The following FHIT variants were observed in gnomAD, a reference collection of about 807,000 sequenced individuals.
The protein encoded by FHIT is bis(5'-adenosyl)-triphosphatase.
FHIT carries 19 observed loss-of-function variants against 17.9 expected under a neutral mutation model. The observed-to-expected ratio is 1.06, with a 90% confidence interval of 0.74 to 1.56. The LOEUF is 1.56. Among genes scored for constraint, FHIT ranks in the 40% most tolerant of loss-of-function variants. The pLI is 0.00. For synonymous variants in FHIT, 81 were observed against 69.7 expected (o/e 1.16, Z -0.81); for missense variants, 248 against 189.2 (o/e 1.31, Z -1.82).
rs190760005 is a variant in FHIT, at chr3:60,899,041, C to T, written c.-110-77030G>A. Among the ~76,000 whole-genome samples the T allele has an allele frequency of 2.0e-5, 3 of 152,200 alleles. No homozygotes were observed. In the East Asian group the frequency reaches 5.8e-4, roughly 29 times the overall value. On this transcript the variant is annotated intron_variant, in intron 3 of 9. Coordinates refer to ENST00000492590, the MANE Select transcript of FHIT (RefSeq NM_002012.4). ...AATAACATGCATTTTTTTTCCAGAA[C>T]CATCTGTGCTTTCCCAAGAACATGT...
intron 4 of FHIT, among the ~76,000 whole-genome samples, chr3:60,587,204 A>G (rs2037935159): frequency 6.6e-6 from 1 of 152,054 alleles, no homozygotes; most frequent in South Asian, 2.1e-4. Flanking sequence ...ATTTGCAGGG[A>G]CGTGGATGAA....
intron 3 of FHIT, among the ~76,000 whole-genome samples, chr3:60,861,809 T>C (rs1238388761): frequency 6.6e-6 from 1 of 151,916 alleles, no homozygotes; most frequent in African/African-American, 2.4e-5. Context: ...TAATCCTTTT[T>C]TAAAAAAGCT....
chr3:61,143,307 T>C (rs1397349589), intron 2 of FHIT, among the ~76,000 whole-genome samples: 1 of 152,216 alleles, frequency 6.6e-6, no homozygotes, highest in Non-Finnish European at 1.5e-5. Context: ...AAGTTTCTAA[T>C]GTTTATGTAT....
chr3:59,798,288 T>C (rs1013055420), intron 8 of FHIT, among the ~76,000 whole-genome samples: 2 of 152,196 alleles, frequency 1.3e-5, no homozygotes, highest in Non-Finnish European at 2.9e-5. Flanking sequence ...TCACTAACGG[T>C]AGATAGATCT....
chr3:60,046,361 T>C (rs1308600773), intron 5 of FHIT, among the ~76,000 whole-genome samples: 2 of 152,226 alleles, frequency 1.3e-5, no homozygotes, highest in South Asian at 2.1e-4. Flanking sequence ...GTCAACCAGC[T>C]GCGTCTGTCA....
At chr3:60,471,287 C>T (rs571111162) in intron 5 of FHIT, among the ~76,000 whole-genome samples, 11 of 152,188 alleles carry the variant, frequency 7.2e-5, no homozygotes, top group Non-Finnish European at 1.6e-4. Context: ...CCAGGACTTT[C>T]CTTGCAGTCC....
intron 5 of FHIT, among the ~76,000 whole-genome samples, chr3:60,164,040 G>T (rs374068817): frequency 4.3e-4 from 65 of 152,260 alleles, no homozygotes; most frequent in African/African-American, 1.4e-3. Context: ...CTGGCTCAAA[G>T]CAGGATTCCA....
At chr3:60,502,571 A>G (rs1430607933) in intron 5 of FHIT, among the ~76,000 whole-genome samples, 1 of 152,224 alleles carries the variant, frequency 6.6e-6, no homozygotes, top group Non-Finnish European at 1.5e-5. Flanking sequence ...CCCAGTGCTT[A>G]GCACAATAAT....
intron 5 of FHIT, among the ~76,000 whole-genome samples, chr3:60,483,378 A>G (rs536519585): frequency 6.6e-6 from 1 of 152,312 alleles, no homozygotes; most frequent in South Asian, 2.1e-4. Flanking sequence ...CACAGTGAAA[A>G]AAGAAACTGT....
intron 5 of FHIT, among the ~76,000 whole-genome samples, chr3:60,484,739 C>G (rs9846216): frequency 0.13 from 19,375 of 151,442 alleles, 1,738 homozygotes; most frequent in East Asian, 0.37. Flanking sequence ...CTAGGCAATA[C>G]CATTGGGCAA....
At chr3:60,114,240 T>G (rs1160376177) in intron 5 of FHIT, among the ~76,000 whole-genome samples, 1 of 150,178 alleles carries the variant, frequency 6.7e-6, no homozygotes, top group Admixed American at 6.6e-5. Context: ...TAAGGTTAAT[T>G]AGCTTGATCA....
intron 4 of FHIT, among the ~76,000 whole-genome samples, chr3:60,820,930 A>G (rs1701903629): frequency 6.6e-6 from 1 of 151,544 alleles, no homozygotes; most frequent in Non-Finnish European, 1.5e-5. Flanking sequence ...GACATGCTAG[A>G]GATTACCAGA....
chr3:61,167,646 AG>A (rs564427169), intron 2 of FHIT, among the ~76,000 whole-genome samples: 1 of 147,200 alleles, frequency 6.8e-6, no homozygotes, highest in African/African-American at 2.5e-5. Flanking sequence ...AAAAAAAAAA[AG>A]AAAGAAAAGA....
chr3:61,035,968 T>C (rs2033217463), intron 3 of FHIT, among the ~76,000 whole-genome samples: 1 of 152,188 alleles, frequency 6.6e-6, no homozygotes, highest in Admixed American at 6.5e-5. Flanking sequence ...GAGACAATGC[T>C]CAAAATTTAA....
At chr3:60,663,351 T>A (rs2107829243) in intron 4 of FHIT, among the ~76,000 whole-genome samples, 1 of 151,686 alleles carries the variant, frequency 6.6e-6, no homozygotes, top group African/African-American at 2.4e-5. Context: ...GCCTTCCAAG[T>A]CTCTACTCAT....
chr3:60,471,386 C>T (rs1166096938), intron 5 of FHIT, among the ~76,000 whole-genome samples: 7 of 152,182 alleles, frequency 4.6e-5, no homozygotes, highest in Non-Finnish European at 1.5e-5. Context: ...CAGGTTCTGA[C>T]CATTGGCATG....
intron 4 of FHIT, among the ~76,000 whole-genome samples, chr3:60,684,163 A>C (rs1386019218): frequency 6.6e-6 from 1 of 152,098 alleles, no homozygotes; most frequent in Non-Finnish European, 1.5e-5. Context: ...TAAGATGTTT[A>C]AGAGCAAAGA....
At chr3:60,497,488 T>C (rs1339919836) in intron 5 of FHIT, among the ~76,000 whole-genome samples, 1 of 152,220 alleles carries the variant, frequency 6.6e-6, no homozygotes, top group Non-Finnish European at 1.5e-5. Context: ...GAAAATTACA[T>C]AATTCTTTTA....
chr3:60,993,749 CT>C lies in FHIT; in HGVS notation c.-111+48297del, dbSNP rs2107588153. Among the ~76,000 whole-genome samples the C allele has an allele frequency of 2.0e-5, 3 of 152,300 alleles. 1 individual carries two copies. In the South Asian group the frequency reaches 6.2e-4, roughly 32 times the overall value. The stretch of plus-strand genomic sequence containing the variant: ...GGAATAAATAATTCATTCCAAAACT[CT>C]TTTTTGCACATCTCAAGGCTCATAA... On this transcript the variant is annotated intron_variant, in intron 3 of 9. Coordinates refer to ENST00000492590, the MANE Select transcript of FHIT (RefSeq NM_002012.4).
Sources: allele counts gnomAD v4.1 joint callset (sites outside exome capture counted in the v4.1 genomes callset), GRCh38; gene constraint gnomAD v4.1.1; transcripts MANE v1.5; gene names NCBI Gene and HGNC (gene_info 2026-07-23, HGNC 2026-07-21).